The following KCNH6 variants were observed in gnomAD, a reference collection of about 807,000 sequenced individuals.
KCNH6 encodes the protein voltage-gated inwardly rectifying potassium channel KCNH6.
In KCNH6, 81 loss-of-function variants were observed where a neutral mutation model predicts 83.4. That is an observed-to-expected ratio of 0.97 (90% CI 0.81 to 1.17). The LOEUF (loss-of-function observed/expected upper bound fraction) is 1.17. Among genes scored for constraint, KCNH6 ranks in the 50% most tolerant of loss-of-function variants. The pLI, the probability that KCNH6 is intolerant of heterozygous loss-of-function variation, is 0.00. For missense variants in KCNH6, 1,203 were observed against 1,290.5 expected (o/e 0.93, Z 1.04); for synonymous variants, 503 against 545.6 (o/e 0.92, Z 1.09).
intron 2 of KCNH6, 144 bp from the exon 3 acceptor site, chr17:63,529,947 G>T: frequency 1.2e-6 from 1 of 839,384 alleles, no homozygotes; most frequent in Non-Finnish European, 1.8e-6. Flanking sequence ...CCCACCCTCT[G>T]CCCAGTATCT....
At chr17:63,527,899 G>T (rs952654686) in intron 2 of KCNH6, among the ~76,000 whole-genome samples, 1 of 152,130 alleles carries the variant, frequency 6.6e-6, no homozygotes. Flanking sequence ...GGGGTACCAC[G>T]CACTGGCACC....
Position 63,543,584 on chromosome 17 carries a change from G to C in KCNH6, c.2157G>C (p.Gly719=). 1.5e-5 allele frequency: 24 copies of C among 1,611,502 alleles called. No homozygotes were observed. Among genetic ancestry groups the C allele is most frequent in the Non-Finnish European group, 2.0e-5 (23 of 1,177,992 alleles). The change falls in exon 10 of 13, where the codon GGG becomes GGC. Residue 719 remains glycine, a synonymous_variant. Coordinates refer to ENST00000314672, the MANE Select transcript of KCNH6 (RefSeq NM_001278919.2). ...EVTFNLRDAA[G]GLHSSPRQAP... ...CTCTTGCTTCCCATAAGGCAGCCGG[G>C]GGTCTCCACTCATCCCCCCGACAGG...
chr17:63,530,636 G>A (rs909033013), intron 4 of KCNH6, 94 bp downstream of exon 4: 16 of 1,088,848 alleles, frequency 1.5e-5, no homozygotes, highest in Middle Eastern at 2.4e-4. Flanking sequence ...GGCCTTGGCC[G>A]ATAAAGAGAT....
In KCNH6 at chr17:63,523,635, C is replaced by CACCT. The variant is rs1194936050; in HGVS notation, c.76+147_76+150dup. 3.0e-6 allele frequency: 2 copies of CACCT among 671,122 alleles called. No homozygotes were observed. Among genetic ancestry groups the CACCT allele is most frequent in the Admixed American group, 3.1e-5 (1 of 32,738 alleles). 41.6% of individuals were successfully genotyped at this position (671,122 alleles called of 1,614,324 possible). On this transcript the variant is annotated intron_variant, in intron 1 of 12. Coordinates refer to ENST00000314672, the MANE Select transcript of KCNH6 (RefSeq NM_001278919.2). This position sits in a 1 kb window ranked among gnomAD's most constrained non-coding sequence, Gnocchi z 4.2. ...AAAATCCTTCTTTTGATGTCCCCAACACCTTCTCCTCCAGGGGGACCCGCT... is the reference window on the plus strand; with the variant it reads ...AAAATCCTTCTTTTGATGTCCCCAACACCTACCTTCTCCTCCAGGGGGACCCGCT...
In KCNH6 at chr17:63,530,085, T is replaced by G; in HGVS notation, c.308-6T>G. 4 of 1,612,656 alleles carry G rather than the reference T, an allele frequency of 2.5e-6. No individual in the cohort carries two copies. Among genetic ancestry groups the G allele is most frequent in the Non-Finnish European group, 3.4e-6 (4 of 1,179,892 alleles). ...CCACCCCCCATCCTCCCAATGGTGT[T>G]CGCAGCCTCCAGCTTCCGCTGCCTG... On this transcript the variant is annotated splice_polypyrimidine_tract_variant and splice_region_variant and intron_variant, in intron 2 of 12. Coordinates refer to ENST00000314672, the MANE Select transcript of KCNH6 (RefSeq NM_001278919.2).
chr17:63,545,380 A>G (rs2033096448), intron 12 of KCNH6, 116 bp downstream of exon 12: 2 of 1,152,482 alleles, frequency 1.7e-6, no homozygotes, highest in Middle Eastern at 5.0e-4. Flanking sequence ...CAGAGCAGCC[A>G]GGGCTTCTGC....
Position 63,544,291 on chromosome 17 carries a change from G to A in KCNH6, c.2276G>A (p.Trp759Ter). ...PLSISDASGL[W>*]PELLQEMPPR... ...AGCATCTCAGATGCATCTGGCCTCT[G>A]GCCTGAGCTACTGCAGGAAATGCCC... Residue 759 changes from tryptophan to a stop codon, truncating the protein, a stop_gained, in exon 11 of 13, where the codon TGG becomes TAG. Transcript: ENST00000314672. LOFTEE classifies it high-confidence loss of function. The A allele has an allele frequency of 6.2e-7, 1 of 1,609,240 alleles. No individual in the cohort carries two copies. The highest frequency in any genetic ancestry group is 8.5e-7 in the Non-Finnish European group (1 of 1,177,690).
chr17:63,534,255 G>A lies in KCNH6; in HGVS notation c.1045G>A (p.Asp349Asn). Reference sequence around the variant, plus strand: ...CTACTTCAAGGGCTGGTTCCTCATTGACATGGTGGCCGCCATCCCTTTCGA... The same window carrying A: ...CTACTTCAAGGGCTGGTTCCTCATTAACATGGTGGCCGCCATCCCTTTCGA... ...VHYFKGWFLI[D>N]MVAAIPFDLL... The change falls in exon 5 of 13, where the codon GAC becomes AAC. Residue 349 changes from aspartate (D) to asparagine (N), a missense_variant. By Grantham distance (23) the Asp-to-Asn change is conservative. Transcript: ENST00000314672. The surrounding 1 kb of genome is among the most constrained non-coding windows in gnomAD (Gnocchi z 5.0). 6.2e-7 allele frequency: 1 copy of A among 1,614,122 alleles called. No individual in the cohort carries two copies. The highest frequency in any genetic ancestry group is 8.5e-7 in the Non-Finnish European group (1 of 1,180,000).
rs529652931 is a variant in KCNH6 at position 63,543,612 on chromosome 17, C to T, written c.2185C>T (p.Pro729Ser). ...TCTCCACTCATCCCCCCGACAGGCT[C>T]CTGGCAGCCAAGACCACCAAGGTTT... Reference protein sequence around the residue: ...GGLHSSPRQAPGSQDHQGFFL... With the variant: ...GGLHSSPRQASGSQDHQGFFL... Residue 729 changes from proline (P) to serine (S), a missense_variant, in exon 10 of 13, where the codon CCT (proline) becomes TCT (serine). Physicochemically the swap from Pro to Ser is moderately conservative, Grantham distance 74. Transcript: ENST00000314672. 7.2e-5 allele frequency: 116 copies of T among 1,613,408 alleles called. No homozygotes were observed. Among genetic ancestry groups the T allele is most frequent in the Middle Eastern group, 6.6e-4 (4 of 6,058 alleles).
rs879343385 is a variant in KCNH6 at position 63,533,631 on chromosome 17, T to G, written c.676-255T>G. On this transcript the variant is annotated intron_variant, in intron 4 of 12. Coordinates refer to ENST00000314672, the MANE Select transcript of KCNH6 (RefSeq NM_001278919.2). The surrounding 1 kb of genome is among the most constrained non-coding windows in gnomAD (Gnocchi z 4.1). ...GAGCTTGTGAGCATCAAACCTGGTG[T>G]CGCTATGGGGCGGAGCCATACCCCT... 5.3e-5 allele frequency among the ~76,000 whole-genome samples: 8 copies of G among 152,062 alleles called. No individual in the cohort carries two copies. Among genetic ancestry groups the G allele is most frequent in the Non-Finnish European group, 1.2e-4 (8 of 67,974 alleles).
downstream of KCNH6, among the ~76,000 whole-genome samples, chr17:63,547,843 C>A (rs2033178232): frequency 6.6e-6 from 1 of 151,830 alleles, no homozygotes; most frequent in Non-Finnish European, 1.5e-5. Context: ...GTCCCAGGTA[C>A]TACAGGGCTT....
intron 11 of KCNH6, 123 bp downstream of exon 11, chr17:63,544,534 C>A: frequency 1.3e-6 from 1 of 763,176 alleles, no homozygotes; most frequent in Non-Finnish European, 1.9e-6. Context: ...CAGGTCTCCC[C>A]ATACCTGTCA....
In KCNH6 at chr17:63,535,791, C is replaced by T. The variant is rs775596369; in HGVS notation, c.1224C>T (p.Phe408=). 12 of 1,614,262 alleles carry T rather than the reference C, an allele frequency of 7.4e-6. No homozygotes were observed. Among genetic ancestry groups the T allele is most frequent in the African/African-American group, 2.7e-5 (2 of 75,086 alleles). Residue 408 remains phenylalanine, a synonymous_variant, in exon 6 of 13, where the codon TTC becomes TTT. Coordinates refer to ENST00000314672, the MANE Select transcript of KCNH6 (RefSeq NM_001278919.2). This position sits in a 1 kb window ranked among gnomAD's most constrained non-coding sequence, Gnocchi z 4.9. The part of the protein sequence containing the change: ...AAVLFLLMCT[F]ALIAHWLACI... ...TGCTCTTCTTGCTCATGTGCACCTT[C>T]GCGCTCATAGCGCACTGGCTGGCCT...
Position 63,545,887 on chromosome 17 carries a change from G to A in KCNH6, c.2862G>A (p.Gly954=). ...QRHGSDPGFA[G]SWGH ...ATGGCTCAGATCCTGGATTTGCAGG[G>A]AGTTGGGGCCACTGAACTCCAAGAT... Residue 954 remains glycine, a synonymous_variant, in exon 13 of 13, where the codon GGG becomes GGA. Transcript: ENST00000314672. 1 of 1,613,890 alleles carries A rather than the reference G, an allele frequency of 6.2e-7. No individual in the cohort carries two copies. Among genetic ancestry groups the A allele is most frequent in the Non-Finnish European group, 8.5e-7 (1 of 1,179,960 alleles).
At position 63,533,874 on chromosome 17, in the gene KCNH6, C is replaced by T. The variant is rs1322239447; in HGVS notation, c.676-12C>T. On this transcript the variant is annotated splice_polypyrimidine_tract_variant and intron_variant, in intron 4 of 12. Coordinates refer to ENST00000314672, the MANE Select transcript of KCNH6 (RefSeq NM_001278919.2). This position sits in a 1 kb window ranked among gnomAD's most constrained non-coding sequence, Gnocchi z 4.1. ...TGCCCCGTGCCTGACCTCCCTCGGCCCCCACCCCCAGGTCCTGTCCCTGGG... is the reference window on the plus strand; with the variant it reads ...TGCCCCGTGCCTGACCTCCCTCGGCTCCCACCCCCAGGTCCTGTCCCTGGG... 1.9e-6 allele frequency: 3 copies of T among 1,607,438 alleles called. No individual in the cohort carries two copies. The highest frequency in any genetic ancestry group is 2.5e-6 in the Non-Finnish European group (3 of 1,176,618).
At chr17:63,547,792 A>AT (rs903990698), downstream of KCNH6, among the ~76,000 whole-genome samples, 21 of 150,906 alleles carry the variant, frequency 1.4e-4, no homozygotes, top group African/African-American at 4.4e-4. Flanking sequence ...CTACAAAACA[A>AT]TTTTTTTTTA....
At position 63,530,084 on chromosome 17, in the gene KCNH6, T is replaced by C. The variant is rs773324180; in HGVS notation, c.308-7T>C. 5.0e-6 allele frequency: 8 copies of C among 1,612,534 alleles called. No individual in the cohort carries two copies. In the East Asian group the frequency reaches 1.6e-4, roughly 31 times the overall value. On this transcript the variant is annotated splice_polypyrimidine_tract_variant and splice_region_variant and intron_variant, in intron 2 of 12. Transcript: ENST00000314672. ...CCCACCCCCCATCCTCCCAATGGTG[T>C]TCGCAGCCTCCAGCTTCCGCTGCCT...
Position 63,545,750 on chromosome 17 carries a change from CT to C in KCNH6, c.2726del (p.Leu909GlnfsTer99), listed in dbSNP as rs1568091621. The C allele has an allele frequency of 6.2e-7, 1 of 1,614,156 alleles. No individual in the cohort carries two copies. The highest frequency in any genetic ancestry group is 1.1e-5 in the South Asian group (1 of 91,082). On this transcript the variant is annotated frameshift_variant, in exon 13 of 13. Coordinates refer to ENST00000314672, the MANE Select transcript of KCNH6 (RefSeq NM_001278919.2). LOFTEE classifies it high-confidence loss of function. ...ACAGCCTGAGGGGCTCTGGCCACCC[CT>C]AGCCTCACCTCTACATCCCCTGGAA... Reference protein sequence around the residue: ...QEQPEGLWPPLASPLHPLEVQ... With the variant: ...QEQPEGLWPPXASPLHPLEVQ...
In KCNH6 at chr17:63,523,593, T is replaced by A; in HGVS notation, c.76+104T>A. 1.0e-6 allele frequency: 1 copy of A among 998,306 alleles called. No homozygotes were observed. Among genetic ancestry groups the A allele is most frequent in the South Asian group, 1.6e-5 (1 of 62,018 alleles). The allele number at this position is 998,306 out of a possible 1,614,324, so 61.8% of individuals were successfully genotyped here. ...ACTTCTAACCGGGCAAGGTGGTGAG[T>A]GCCGGGTGCTGAATGAAAAATCCTT... is the stretch of plus-strand genomic sequence containing the variant. On this transcript the variant is annotated intron_variant, in intron 1 of 12. Coordinates refer to ENST00000314672, the MANE Select transcript of KCNH6 (RefSeq NM_001278919.2). This position sits in a 1 kb window ranked among gnomAD's most constrained non-coding sequence, Gnocchi z 4.2.
Sources: gnomAD v4.1 joint callset for allele counts (sites outside exome capture counted in the v4.1 genomes callset) on GRCh38, gnomAD v4.1.1 for gene constraint, Gnocchi (gnomAD v3.1) non-coding constraint, MANE v1.5 for transcripts, NCBI Gene and HGNC (gene_info 2026-07-23, HGNC 2026-07-21) for gene names.